Variants in ENTREP2 observed in about 807,000 individuals in gnomAD.
The protein encoded by ENTREP2 is endosomal transmembrane epsin interactor 2, also known as protein ENTREP2.
At chr15:29,437,152 G>C in the ENTREP2 span, among the ~76,000 whole-genome samples, 4 of 152,220 alleles carry the variant, frequency 2.6e-5, no homozygotes, top group South Asian at 4.1e-4. Context: ...AGTGCAAAAG[G>C]CCAGGGAAGA....
the ENTREP2 span, among the ~76,000 whole-genome samples, chr15:29,600,171 G>A: frequency 6.6e-6 from 1 of 152,102 alleles, no homozygotes; most frequent in African/African-American, 2.4e-5. Flanking sequence ...TTTGTAATCT[G>A]AGCATGCATG....
At chr15:29,339,242 G>A in the ENTREP2 span, among the ~76,000 whole-genome samples, 1 of 152,390 alleles carries the variant, frequency 6.6e-6, no homozygotes, top group South Asian at 2.1e-4. Flanking sequence ...GCTGGGGCCA[G>A]TGACAGTCAA....
At chr15:29,659,317 A>G in the ENTREP2 span, among the ~76,000 whole-genome samples, 2 of 152,036 alleles carry the variant, frequency 1.3e-5, no homozygotes, top group African/African-American at 4.8e-5. Context: ...GAAAATACAA[A>G]AAAATTAGCC....
At chr15:29,175,944 G>A in the ENTREP2 span, among the ~76,000 whole-genome samples, 34 of 152,260 alleles carry the variant, frequency 2.2e-4, no homozygotes, top group Admixed American at 6.5e-5. Flanking sequence ...GGTCTTGATC[G>A]TCCTCTCTCA....
chr15:29,596,306 T>C, the ENTREP2 span, among the ~76,000 whole-genome samples: 1 of 152,238 alleles, frequency 6.6e-6, no homozygotes, highest in Non-Finnish European at 1.5e-5. Flanking sequence ...ATGCTTCACC[T>C]CTAATCCATT....
the ENTREP2 span, among the ~76,000 whole-genome samples, chr15:29,550,850 C>T: frequency 6.6e-6 from 1 of 152,126 alleles, no homozygotes; most frequent in Non-Finnish European, 1.5e-5. Context: ...CCTGAAGGGA[C>T]CTCACACATC....
At chr15:29,368,899 T>A in the ENTREP2 span, among the ~76,000 whole-genome samples, 1 of 150,886 alleles carries the variant, frequency 6.6e-6, no homozygotes, top group Non-Finnish European at 1.5e-5. Context: ...AATAACCAAA[T>A]AGAAATTATA....
chr15:29,322,403 C>G, the ENTREP2 span, among the ~76,000 whole-genome samples: 1 of 152,266 alleles, frequency 6.6e-6, no homozygotes, highest in East Asian at 1.9e-4. Context: ...AATTTTTTAT[C>G]CCCTGACCAA....
the ENTREP2 span, among the ~76,000 whole-genome samples, chr15:29,518,986 C>G: frequency 6.6e-6 from 1 of 152,278 alleles, no homozygotes. Context: ...AAGAAAATCC[C>G]TCTCCACCAG....
the ENTREP2 span, among the ~76,000 whole-genome samples, chr15:29,369,182 C>T: frequency 6.6e-6 from 1 of 152,006 alleles, no homozygotes; most frequent in Non-Finnish European, 1.5e-5. Context: ...GAAACTATGG[C>T]CAAAGACTTC....
chr15:29,230,154 T>G, the ENTREP2 span, among the ~76,000 whole-genome samples: 1 of 152,190 alleles, frequency 6.6e-6, no homozygotes, highest in Non-Finnish European at 1.5e-5. Context: ...CCATTCCCAC[T>G]TCTCACCACT....
chr15:29,312,294 C>T, the ENTREP2 span, among the ~76,000 whole-genome samples: 2 of 149,952 alleles, frequency 1.3e-5, no homozygotes, highest in African/African-American at 4.9e-5. Context: ...TTTATGTACT[C>T]ACATGTGGAA....
chr15:29,210,832 T>A, the ENTREP2 span, among the ~76,000 whole-genome samples: 1 of 152,242 alleles, frequency 6.6e-6, no homozygotes, highest in South Asian at 2.1e-4. Context: ...CCCACCGTAA[T>A]GGACTACAAC....
chr15:29,546,715 TC>T, the ENTREP2 span, among the ~76,000 whole-genome samples: 1 of 151,752 alleles, frequency 6.6e-6, no homozygotes, highest in East Asian at 2.0e-4. Flanking sequence ...TGAAACCCTG[TC>T]TCTACTAAAA....
chr15:29,647,771 A>C, the ENTREP2 span, among the ~76,000 whole-genome samples: 2 of 152,116 alleles, frequency 1.3e-5, no homozygotes, highest in African/African-American at 4.8e-5. Context: ...CCTCCAGAGG[A>C]CTCAATCCAC....
the ENTREP2 span, among the ~76,000 whole-genome samples, chr15:29,128,437 T>C: frequency 6.6e-6 from 1 of 152,072 alleles, no homozygotes; most frequent in African/African-American, 2.4e-5. Flanking sequence ...ATTTGCCCGG[T>C]AGGTACAACT....
chr15:29,448,121 G>A, the ENTREP2 span, among the ~76,000 whole-genome samples: 1 of 151,592 alleles, frequency 6.6e-6, no homozygotes, highest in East Asian at 1.9e-4. Flanking sequence ...AAATTTTTTT[G>A]AACTTAATAA....
chr15:29,454,232 T>G, the ENTREP2 span, among the ~76,000 whole-genome samples: 5 of 152,244 alleles, frequency 3.3e-5, no homozygotes, highest in African/African-American at 1.2e-4. Flanking sequence ...CCTTTTATTT[T>G]TCTTCAGTGA....
the ENTREP2 span, among the ~76,000 whole-genome samples, chr15:29,538,794 G>A: frequency 6.7e-6 from 1 of 149,500 alleles, no homozygotes; most frequent in Admixed American, 6.7e-5. Context: ...GGGTGACAAA[G>A]CGAGACTCTA....
Sources: allele counts gnomAD v4.1 joint callset (sites outside exome capture counted in the v4.1 genomes callset), GRCh38; gene constraint gnomAD v4.1.1; transcripts MANE v1.5; gene names NCBI Gene and HGNC (gene_info 2026-07-23, HGNC 2026-07-21).